Variants in CAPN12 observed in about 807,000 individuals in gnomAD.
CAPN12 encodes the protein calpain 12.
CAPN12 carries 107 observed loss-of-function variants against 95.0 expected under a neutral mutation model. The ratio of observed to expected loss-of-function variants is 1.13; its 90% CI spans 0.96 to 1.32. The LOEUF (loss-of-function observed/expected upper bound fraction) is 1.32. Ranked by LOEUF, CAPN12 falls within the 40% of genes most tolerant of loss-of-function variation. The pLI, the probability that CAPN12 is intolerant of heterozygous loss-of-function variation, is 0.00. For synonymous variants in CAPN12, 505 were observed against 415.5 expected (o/e 1.22, Z -2.62); for missense variants, 1,136 against 997.8 (o/e 1.14, Z -1.87).
intron 4 of CAPN12, 145 bp downstream of exon 4, chr19:38,741,632 A>T: frequency 1.1e-6 from 1 of 872,734 alleles, no homozygotes; most frequent in Non-Finnish European, 1.7e-6. Flanking sequence ...TTGTGATATG[A>T]GGGTTCTGGC....
rs1330751740 is a variant in CAPN12 at position 38,730,690 on chromosome 19, A to C, written c.*162T>G. Reference sequence around the variant, plus strand: ...CTGTTCTTGTTTCTGAGTGAGGAGTACGCAGGCCAGAGTGGTCACCCGGCC... The same window carrying C: ...CTGTTCTTGTTTCTGAGTGAGGAGTCCGCAGGCCAGAGTGGTCACCCGGCC... On this transcript the variant is annotated 3_prime_UTR_variant, in exon 21 of 21. Coordinates refer to ENST00000328867, the MANE Select transcript of CAPN12 (RefSeq NM_144691.4). 2.6e-6 allele frequency: 2 copies of C among 769,300 alleles called. No individual in the cohort carries two copies. Among genetic ancestry groups the C allele is most frequent in the Admixed American group, 2.3e-5 (1 of 44,228 alleles). 47.7% of individuals were successfully genotyped at this position (769,300 alleles called of 1,614,324 possible).
intron 5 of CAPN12, chr19:38,739,779 A>C: frequency 1.6e-5 from 5 of 305,194 alleles, no homozygotes; most frequent in Non-Finnish European, 3.0e-5. Context: ...GGATCCTTTT[A>C]TGCCCATGAG....
At chr19:38,738,730 A>G in intron 5 of CAPN12, 82 bp from the exon 6 acceptor site, 1 of 1,294,412 alleles carries the variant, frequency 7.7e-7, no homozygotes. Context: ...TCCTGCCACC[A>G]AGGCAGGAGC....
chr19:38,736,449 C>T, intron 11 of CAPN12, 103 bp downstream of exon 11: 1 of 1,501,528 alleles, frequency 6.7e-7, no homozygotes. Context: ...CGGCTCTGCC[C>T]CCCCACCCCC....
At chr19:38,740,705 C>G (rs1970495152) in intron 4 of CAPN12, among the ~76,000 whole-genome samples, 1 of 151,698 alleles carries the variant, frequency 6.6e-6, no homozygotes, top group South Asian at 2.1e-4. Flanking sequence ...GAGGCTGAGG[C>G]AGGAGAATCG....
rs781270735 is a variant in CAPN12 at position 38,740,034 on chromosome 19, G to C, written c.729+17C>G. 2.6e-6 allele frequency: 4 copies of C among 1,540,522 alleles called. No homozygotes were observed. The highest frequency in any genetic ancestry group is 3.5e-6 in the Non-Finnish European group (4 of 1,143,200). The stretch of plus-strand genomic sequence containing the variant: ...TGGTCCTGGTGGGGGTTCCGCATGC[G>C]AGTCCAGGTCTCTTACCAGGGCAGT... On this transcript the variant is annotated intron_variant, in intron 5 of 20. Coordinates refer to ENST00000328867, the MANE Select transcript of CAPN12 (RefSeq NM_144691.4).
Position 38,738,219 on chromosome 19 carries a change from A to T in CAPN12, c.965+54T>A, listed in dbSNP as rs1479358316. 4.6e-6 allele frequency: 7 copies of T among 1,524,736 alleles called. No homozygotes were observed. In the Admixed American group the frequency reaches 1.1e-4, roughly 24 times the overall value. 94.5% of individuals were successfully genotyped at this position (1,524,736 alleles called of 1,614,324 possible). A position where few individuals can be genotyped will look rare whatever the true frequency, so the allele number is the denominator to read the frequency against. On this transcript the variant is annotated intron_variant, in intron 8 of 20. Transcript: ENST00000328867. ...CTTCAACTGGGGCTCGCCCTCCCTG[A>T]ACCCCTTGGCAGAGACCCTCCCAGA...
intron 11 of CAPN12, 103 bp from the exon 12 acceptor site, chr19:38,736,421 C>T (rs913065012): frequency 2.0e-6 from 3 of 1,521,676 alleles, no homozygotes; most frequent in East Asian, 4.9e-5. Context: ...CTGTCCACGC[C>T]TCCCCTGCCC....
Position 38,735,335 on chromosome 19 carries a change from G to A in CAPN12, c.1686+35C>T, listed in dbSNP as rs376514939. On this transcript the variant is annotated intron_variant, in intron 14 of 20. Transcript: ENST00000328867. ...GGGGGGTCCCCAAGGGGAGGCCGCA[G>A]CGGGATACCCCCTCAGTCCAATCCC... 1.1e-5 allele frequency: 17 copies of A among 1,519,436 alleles called. No homozygotes were observed. The African/African-American group carries it at 2.2e-4, about 20-fold the overall frequency. 94.1% of individuals were successfully genotyped at this position (1,519,436 alleles called of 1,614,324 possible). A position where few individuals can be genotyped will look rare whatever the true frequency, so the allele number is the denominator to read the frequency against.
rs545955455 is a variant in CAPN12 at position 38,731,146 on chromosome 19, G to A, written c.2035C>T (p.Arg679Trp). ...AGGTGGGCCACACAGGACACGAACC[G>A]CTCGAAGTCCACACGCAGACGGCTA... Reference protein sequence around the residue: ...RDSRLRVDFERFVSCVAHLTC... With the variant: ...RDSRLRVDFEWFVSCVAHLTC... Residue 679 changes from arginine (R) to tryptophan (W), a missense_variant, in exon 19 of 21, where the codon CGG becomes TGG. Physicochemically the swap from Arg to Trp is moderately radical, Grantham distance 101 (BLOSUM62 -3). Transcript: ENST00000328867. The A allele has an allele frequency of 1.4e-5, 22 of 1,612,936 alleles. No individual in the cohort carries two copies. Among genetic ancestry groups the A allele is most frequent in the Middle Eastern group, 1.7e-4 (1 of 6,048 alleles).
intron 18 of CAPN12, among the ~76,000 whole-genome samples, chr19:38,732,520 C>T (rs1215540058): frequency 4.6e-5 from 7 of 152,052 alleles, no homozygotes; most frequent in Non-Finnish European, 7.4e-5. Context: ...TTAGTAGAGA[C>T]GGGGGTTCCG....
Position 38,738,362 on chromosome 19 carries a change from G to T in CAPN12, c.891-15C>A. On this transcript the variant is annotated splice_polypyrimidine_tract_variant and intron_variant, in intron 7 of 20. Coordinates refer to ENST00000328867, the MANE Select transcript of CAPN12 (RefSeq NM_144691.4). Reference sequence around the variant, plus strand: ...AGCGTGGGCAGCTGGAGAGACTGTGGTGTGAGGGGCGGGCAGGTGGGGTCC... The same window carrying T: ...AGCGTGGGCAGCTGGAGAGACTGTGTTGTGAGGGGCGGGCAGGTGGGGTCC... 1 of 1,611,898 alleles carries T rather than the reference G, an allele frequency of 6.2e-7. No homozygotes were observed. The highest frequency in any genetic ancestry group is 8.5e-7 in the Non-Finnish European group (1 of 1,179,982).
intron 4 of CAPN12, among the ~76,000 whole-genome samples, chr19:38,741,375 C>A (rs1970534489): frequency 6.6e-6 from 1 of 151,942 alleles, no homozygotes; most frequent in South Asian, 2.1e-4. Context: ...GAGTTGGAGA[C>A]CAGCCTGACC....
At chr19:38,733,469 G>T (rs1350302392) in intron 18 of CAPN12, 2 of 517,278 alleles carry the variant, frequency 3.9e-6, no homozygotes, top group Non-Finnish European at 6.9e-6. Context: ...CCCCTACCAG[G>T]CACATCCCCC....
At chr19:38,739,867 A>C in intron 5 of CAPN12, 184 bp downstream of exon 5, 1 of 567,344 alleles carries the variant, frequency 1.8e-6, no homozygotes, top group Admixed American at 3.7e-5. Flanking sequence ...ATCTGGATCC[A>C]GCTGTGCCTG....
At chr19:38,739,950 A>T in intron 5 of CAPN12, 101 bp downstream of exon 5, 1 of 1,242,554 alleles carries the variant, frequency 8.0e-7, no homozygotes, top group Non-Finnish European at 1.1e-6. Flanking sequence ...TAAGCCAGTA[A>T]CGGAAGCAGA....
At position 38,736,294 on chromosome 19, in the gene CAPN12, G is replaced by A. The variant is rs1015673755; in HGVS notation, c.1399C>T (p.Arg467Cys). The A allele has an allele frequency of 8.3e-6, 12 of 1,441,430 alleles. 1 individual carries two copies. In the Admixed American group the frequency reaches 8.5e-5, roughly 10 times the overall value. 89.3% of individuals were successfully genotyped at this position (1,441,430 alleles called of 1,614,324 possible). A position where few individuals can be genotyped will look rare whatever the true frequency, so the allele number is the denominator to read the frequency against. Residue 467 changes from arginine (R) to cysteine (C), a missense_variant, in exon 12 of 21, where the codon CGC becomes TGC. Coordinates refer to ENST00000328867, the MANE Select transcript of CAPN12 (RefSeq NM_144691.4). The stretch of plus-strand genomic sequence containing the variant: ...AGCCGGGGCAGGAGCGCATGGCTGC[G>A]CGGGGAATCCCAGAGGCCCAGCAGC... ...EELLGLWDSPRSHALLPRLLR... is the reference protein window; with the variant it reads ...EELLGLWDSPCSHALLPRLLR...
Position 38,741,822 on chromosome 19 carries a change from T to C in CAPN12, c.515A>G (p.Gln172Arg), listed in dbSNP as rs749319117. The C allele has an allele frequency of 2.5e-6, 4 of 1,614,164 alleles. No individual in the cohort carries two copies. Among genetic ancestry groups the C allele is most frequent in the Non-Finnish European group, 3.4e-6 (4 of 1,180,056 alleles). ...EGKLMFVRSE[Q>R]RNEFWAPLLE... The stretch of plus-strand genomic sequence containing the variant: ...GAGTGGGGCCCAGAACTCATTCCGC[T>C]GTTCCGAGCGCACGAACATCAGCTT... Residue 172 changes from glutamine (Q) to arginine (R), a missense_variant, in exon 4 of 21, where the codon CAG (glutamine) becomes CGG (arginine). Physicochemically the swap from Gln to Arg is conservative, Grantham distance 43 (BLOSUM62 1). Coordinates refer to ENST00000328867, the MANE Select transcript of CAPN12 (RefSeq NM_144691.4).
Position 38,734,876 on chromosome 19 carries a change from C to G in CAPN12, c.1687-6G>C. 2 of 1,612,572 alleles carry G rather than the reference C, an allele frequency of 1.2e-6. No homozygotes were observed. Among genetic ancestry groups the G allele is most frequent in the Non-Finnish European group, 1.7e-6 (2 of 1,179,776 alleles). ...GAGGCATTGAGTTCTTCCTCCTAGT[C>G]CAGGAAAGAGGGCTTGTGAGGCCAT... On this transcript the variant is annotated splice_region_variant and splice_polypyrimidine_tract_variant and intron_variant, in intron 14 of 20. Transcript: ENST00000328867.
Sources: allele counts gnomAD v4.1 joint callset (sites outside exome capture counted in the v4.1 genomes callset), GRCh38; gene constraint gnomAD v4.1.1; transcripts MANE v1.5; gene names NCBI Gene and HGNC (gene_info 2026-07-23, HGNC 2026-07-21).